KIF6: variants seen among roughly 807,000 people sequenced by gnomAD.
The protein encoded by KIF6 is kinesin-like protein KIF6.
In KIF6, 106 loss-of-function variants were observed where a neutral mutation model predicts 112.7. That is an observed-to-expected ratio of 0.94 (90% CI 0.80 to 1.11). KIF6 has a LOEUF of 1.11. Among genes scored for constraint, KIF6 ranks in the 50% least tolerant of loss-of-function variants. The probability of loss-of-function intolerance (pLI) is 0.00; values close to 1 mark genes in which losing one functional copy is unlikely to be tolerated. For synonymous variants in KIF6, 339 were observed against 339.9 expected, an observed-to-expected ratio of 1.00 and a Z score of 0.03; for missense variants, 929 against 964.0, an observed-to-expected ratio of 0.96 and a Z score of 0.48.
At chr6:39,696,780 C>T (rs1788564557) in intron 3 of KIF6, among the ~76,000 whole-genome samples, 1 of 151,670 alleles carries the variant, frequency 6.6e-6, no homozygotes, top group Admixed American at 6.6e-5. Context: ...AGTGTAAATA[C>T]TGGACACACA....
chr6:39,419,881 C>T (rs1770224248), intron 15 of KIF6, 67 bp downstream of exon 15: 2 of 1,355,640 alleles, frequency 1.5e-6, no homozygotes, highest in Non-Finnish European at 2.1e-6. Flanking sequence ...TTTGGAGGCA[C>T]ATCATGACCT....
intron 1 of KIF6, among the ~76,000 whole-genome samples, chr6:39,724,271 G>A (rs1790401404): frequency 6.6e-6 from 1 of 152,106 alleles, no homozygotes; most frequent in Non-Finnish European, 1.5e-5. Flanking sequence ...AGCTAACAGG[G>A]TGAAACCCGG....
intron 13 of KIF6, among the ~76,000 whole-genome samples, chr6:39,502,135 A>G (rs79211376): frequency 1.8e-3 from 268 of 152,320 alleles, no homozygotes; most frequent in African/African-American, 6.3e-3. Context: ...CTAACAGTGG[A>G]TCTCTCAGTG....
chr6:39,509,567 A>G (rs186484269), intron 13 of KIF6, among the ~76,000 whole-genome samples: 20 of 152,344 alleles, frequency 1.3e-4, no homozygotes, highest in African/African-American at 4.3e-4. Context: ...CCACAGTATG[A>G]GAACTTTGTG....
chr6:39,554,304 AG>A (rs1469866723), intron 10 of KIF6: 1 of 153,740 alleles, frequency 6.5e-6, no homozygotes, highest in African/African-American at 2.4e-5. Context: ...AGCAGCCCAC[AG>A]GCACCCATCC....
At chr6:39,512,568 T>C (rs1776843798) in intron 13 of KIF6, among the ~76,000 whole-genome samples, 3 of 152,318 alleles carry the variant, frequency 2.0e-5, no homozygotes, top group Middle Eastern at 3.4e-3. Flanking sequence ...CCTAGGCTTG[T>C]GTGTCTCTCT....
chr6:39,550,684 TCCAGAGAGC>T lies in KIF6; in HGVS notation c.1182-5005_1182-4997del, dbSNP rs1270424641. 6.7e-3 allele frequency among the ~76,000 whole-genome samples: 1,021 copies of T among 152,268 alleles called. 11 individuals carry two copies. The highest frequency in any genetic ancestry group is 0.024 in the African/African-American group (977 of 41,542). On this transcript the variant is annotated intron_variant, in intron 10 of 22. Coordinates refer to ENST00000287152, the MANE Select transcript of KIF6 (RefSeq NM_145027.6). ...TTGGGGAGACGATTTGACAGCTCATTCCAGAGAGCTAGAAAGGAGTTCTGATTTATAAAA... is the reference window on the plus strand; with the variant it reads ...TTGGGGAGACGATTTGACAGCTCATTTAGAAAGGAGTTCTGATTTATAAAA...
chr6:39,487,577 A>C (rs538923769), intron 13 of KIF6, among the ~76,000 whole-genome samples: 1 of 152,188 alleles, frequency 6.6e-6, no homozygotes, highest in Admixed American at 6.6e-5. Flanking sequence ...CAATGCCAAG[A>C]GTTCTCCCTA....
intron 19 of KIF6, 26 bp downstream of exon 19, chr6:39,357,251 A>T: frequency 6.6e-7 from 1 of 1,508,396 alleles, no homozygotes; most frequent in South Asian, 1.2e-5. Flanking sequence ...GGGAACTCTA[A>T]CACCTCCGGT....
chr6:39,394,324 T>TA (rs1339065460), intron 15 of KIF6, among the ~76,000 whole-genome samples: 1 of 152,246 alleles, frequency 6.6e-6, no homozygotes, highest in Non-Finnish European at 1.5e-5. Flanking sequence ...AATGTGATGT[T>TA]ACTATAGCAT....
intron 4 of KIF6, among the ~76,000 whole-genome samples, chr6:39,635,919 G>A (rs1477283280): frequency 6.6e-6 from 1 of 152,008 alleles, no homozygotes; most frequent in Non-Finnish European, 1.5e-5. Flanking sequence ...GTGGCAAGCA[G>A]GTTGCCAGGG....
At chr6:39,348,807 G>A (rs942386164) in intron 19 of KIF6, among the ~76,000 whole-genome samples, 2 of 152,158 alleles carry the variant, frequency 1.3e-5, no homozygotes. Flanking sequence ...CCAGCGCCCC[G>A]CTACCCCCAG....
chr6:39,670,441 G>A (rs1786744270), intron 3 of KIF6, among the ~76,000 whole-genome samples: 1 of 152,018 alleles, frequency 6.6e-6, no homozygotes. Context: ...TTACAATAAA[G>A]CTACAGAAAA....
intron 3 of KIF6, among the ~76,000 whole-genome samples, chr6:39,651,431 C>T (rs1785465357): frequency 6.6e-6 from 1 of 152,122 alleles, no homozygotes; most frequent in Admixed American, 6.5e-5. Flanking sequence ...CAGGTGGCTG[C>T]CGTCAGTGTG....
chr6:39,630,269 A>G (rs1185449271), intron 5 of KIF6, among the ~76,000 whole-genome samples: 1 of 152,100 alleles, frequency 6.6e-6, no homozygotes, highest in Non-Finnish European at 1.5e-5. Context: ...TTATCTACAA[A>G]TCAAGTGAGA....
intron 13 of KIF6, among the ~76,000 whole-genome samples, chr6:39,489,519 C>T (rs561665866): frequency 8.5e-5 from 13 of 152,136 alleles, no homozygotes; most frequent in African/African-American, 2.9e-4. Flanking sequence ...ATGAAGAATA[C>T]TAGCACTTGA....
rs376603554 is a variant in KIF6, at chr6:39,677,855, T to C, written c.251+36837A>G. On this transcript the variant is annotated intron_variant, in intron 3 of 22. Coordinates refer to ENST00000287152, the MANE Select transcript of KIF6 (RefSeq NM_145027.6). ...ATTTCATCCATGTCCCTACAAAGGA[T>C]ATGAACTCATCATTTTTTATGGCTG... Among the ~76,000 whole-genome samples the C allele has an allele frequency of 5.9e-5, 8 of 136,654 alleles. No individual in the cohort carries two copies. In the East Asian group the frequency reaches 8.5e-4, roughly 15 times the overall value. 89.7% of individuals were successfully genotyped at this position (136,654 alleles called of 152,430 possible). A position where few individuals can be genotyped will look rare whatever the true frequency, so the allele number is the denominator to read the frequency against.
intron 13 of KIF6, among the ~76,000 whole-genome samples, chr6:39,448,470 C>T (rs1479722720): frequency 1.3e-5 from 2 of 152,122 alleles, no homozygotes; most frequent in African/African-American, 2.4e-5. Context: ...CCATCGTGCC[C>T]GGCCAAAATA....
chr6:39,683,753 G>A (rs1787669860), intron 3 of KIF6, among the ~76,000 whole-genome samples: 1 of 152,178 alleles, frequency 6.6e-6, no homozygotes, highest in Non-Finnish European at 1.5e-5. Flanking sequence ...TAAGGGAATA[G>A]GATAGTGTGT....
Sources: gnomAD v4.1 joint callset for allele counts (sites outside exome capture counted in the v4.1 genomes callset) on GRCh38, gnomAD v4.1.1 for gene constraint, MANE v1.5 for transcripts, NCBI Gene and HGNC (gene_info 2026-07-23, HGNC 2026-07-21) for gene names.